LMO7: variants seen among roughly 807,000 people sequenced by gnomAD.
LMO7 encodes LIM domain only protein 7.
In LMO7, 120 loss-of-function variants were observed where a neutral mutation model predicts 206.5. The observed-to-expected ratio is 0.58, with a 90% CI of 0.50 to 0.68. LMO7 has a LOEUF of 0.68. Among genes scored for constraint, LMO7 ranks in the 30% least tolerant of loss-of-function variants. LMO7 has a pLI of 0.00. For missense variants in LMO7, 1,959 were observed against 1,957.9 expected (o/e 1.00, Z -0.01); for synonymous variants, 706 against 681.5 (o/e 1.04, Z -0.56).
At chr13:75,634,077 G>A (rs1245800846), upstream of LMO7, among the ~76,000 whole-genome samples, 1 of 149,938 alleles carries the variant, frequency 6.7e-6, no homozygotes, top group Non-Finnish European at 1.5e-5. Flanking sequence ...CTGACCTTGT[G>A]ATCCACCCGC....
chr13:75,840,431 G>T lies in LMO7; in HGVS notation c.3518G>T (p.Trp1173Leu). 6.2e-7 allele frequency: 1 copy of T among 1,614,072 alleles called. No individual in the cohort carries two copies. The highest frequency in any genetic ancestry group is 8.5e-7 in the Non-Finnish European group (1 of 1,179,980). The change falls in exon 22 of 31, where the codon TGG becomes TTG. Residue 1173 changes from tryptophan (W) to leucine (L), a missense_variant. Physicochemically the swap from Trp to Leu is moderately conservative, Grantham distance 61 (BLOSUM62 -2). Transcript: ENST00000377534. ...PTISAPSRWV[W>L]DQEEERKRQE... is the part of the protein sequence containing the mutation. ...ATCAGTGCCCCGAGTCGCTGGGTGT[G>T]GGATCAAGAGGAGGAGCGGAAGCGG...
At chr13:75,690,018 A>G (rs542166402) in intron 1 of LMO7, among the ~76,000 whole-genome samples, 1 of 151,810 alleles carries the variant, frequency 6.6e-6, no homozygotes, top group Non-Finnish European at 1.5e-5. Flanking sequence ...AGAGAACCGA[A>G]GAGAACCCTT....
At position 75,795,397 on chromosome 13, in the gene LMO7, A is replaced by G; in HGVS notation, c.318-4A>G. The G allele has an allele frequency of 6.4e-7, 1 of 1,573,282 alleles. No individual in the cohort carries two copies. The highest frequency in any genetic ancestry group is 2.3e-5 in the East Asian group (1 of 44,026). ...TACCTAATAGATATTTTCTTTCTTTACAGGCAAGAAGAGACTGACAGGAGA... is the reference window on the plus strand; with the variant it reads ...TACCTAATAGATATTTTCTTTCTTTGCAGGCAAGAAGAGACTGACAGGAGA... On this transcript the variant is annotated splice_region_variant and splice_polypyrimidine_tract_variant and intron_variant, in intron 4 of 30. Transcript: ENST00000377534.
chr13:75,655,863 T>C (rs746908928), intron 1 of LMO7, among the ~76,000 whole-genome samples: 10 of 152,192 alleles, frequency 6.6e-5, no homozygotes, highest in Admixed American at 2.0e-4. Context: ...GTGGTTAATC[T>C]ATCCCTGTGT....
intron 4 of LMO7, among the ~76,000 whole-genome samples, chr13:75,790,327 C>G (rs1408446873): frequency 6.6e-6 from 1 of 152,132 alleles, no homozygotes; most frequent in Non-Finnish European, 1.5e-5. Flanking sequence ...TTTTAAATCT[C>G]TCACTAAAGC....
At chr13:75,749,331 T>G (rs745759082) in intron 3 of LMO7, among the ~76,000 whole-genome samples, 6 of 152,226 alleles carry the variant, frequency 3.9e-5, no homozygotes, top group African/African-American at 7.2e-5. Context: ...TAATTATTTG[T>G]TTTGCTTTGG....
intron 16 of LMO7, 99 bp from the exon 17 acceptor site, chr13:75,834,127 A>T: frequency 3.7e-6 from 3 of 821,534 alleles, no homozygotes; most frequent in Non-Finnish European, 5.6e-6. Flanking sequence ...AGAAATGGTT[A>T]ATTGAAATTC....
intron 1 of LMO7, among the ~76,000 whole-genome samples, chr13:75,685,919 AG>A (rs2040940357): frequency 8.1e-6 from 1 of 123,336 alleles, no homozygotes; most frequent in African/African-American, 3.1e-5. Flanking sequence ...TTTTTGAGAC[AG>A]GGTCTCACTC....
intron 15 of LMO7, among the ~76,000 whole-genome samples, chr13:75,832,679 T>C (rs2058773322): frequency 6.6e-6 from 1 of 152,162 alleles, no homozygotes; most frequent in Non-Finnish European, 1.5e-5. Flanking sequence ...TGGTCCTTTT[T>C]AAATAAATGA....
At chr13:75,636,246 G>A (rs1264705889), upstream of LMO7, 21 of 1,003,170 alleles carry the variant, frequency 2.1e-5, no homozygotes, top group Admixed American at 7.3e-4. Flanking sequence ...GCGGCGACTC[G>A]GCGGGCCCCG....
rs373408522 is a variant in LMO7, at chr13:75,679,964, AGGTAAACGTGTGCCAT to A, written c.70-33213_70-33198del. Among the ~76,000 whole-genome samples the A allele has an allele frequency of 1.9e-4, 29 of 152,316 alleles. No homozygotes were observed. The East Asian group carries it at 2.7e-3, about 14-fold the overall frequency. On this transcript the variant is annotated intron_variant, in intron 1 of 30. Coordinates refer to ENST00000377534, the MANE Select transcript of LMO7 (RefSeq NM_001306080.2). ...TGCAGAATGTGCAGGTTTGTTACAT[AGGTAAACGTGTGCCAT>A]GGTAGTTTGCTGCACCTATCAACTT...
At chr13:75,738,883 G>T (rs999681723) in intron 3 of LMO7, among the ~76,000 whole-genome samples, 1 of 152,156 alleles carries the variant, frequency 6.6e-6, no homozygotes, top group African/African-American at 2.4e-5. Context: ...AGTCAGCCTG[G>T]ACCCCTCATG....
At chr13:75,759,592 G>A (rs1182296721) in intron 3 of LMO7, among the ~76,000 whole-genome samples, 2 of 152,042 alleles carry the variant, frequency 1.3e-5, no homozygotes, top group African/African-American at 4.8e-5. Flanking sequence ...AAAACGATTC[G>A]TGGATTTCAT....
chr13:75,752,402 G>C (rs575119042), intron 3 of LMO7, among the ~76,000 whole-genome samples: 8 of 152,102 alleles, frequency 5.3e-5, no homozygotes, highest in African/African-American at 1.9e-4. Flanking sequence ...CACAGTGCTG[G>C]GATTACAGGC....
In LMO7 at chr13:75,849,227, C is replaced by G; in HGVS notation, c.4299C>G (p.Ser1433Arg). ...RKRTPLHNDN[S>R]WIRQRSASVN... ...GAACACCCCTTCACAATGACAACAG[C>G]TGGATCCGACAGCGCAGTGCCAGTG... The change falls in exon 27 of 31, where the codon AGC becomes AGG. Residue 1433 changes from serine to arginine, a missense_variant. Transcript: ENST00000377534. 6.2e-7 allele frequency: 1 copy of G among 1,614,152 alleles called. No homozygotes were observed. Among genetic ancestry groups the G allele is most frequent in the Non-Finnish European group, 8.5e-7 (1 of 1,180,024 alleles).
At position 75,823,834 on chromosome 13, in the gene LMO7, A is replaced by G; in HGVS notation, c.2910A>G (p.Glu970=). Residue 970 remains glutamate, a synonymous_variant, in exon 15 of 31, where the codon GAA becomes GAG. Transcript: ENST00000377534. The part of the protein sequence containing the change: ...SGLDLMSESG[E]GEISPQREVS... Reference sequence around the variant, plus strand: ...TTGATTTAATGTCTGAATCTGGAGAAGGGGAAATCTCCCCACAAAGAGAAG... The same window carrying G: ...TTGATTTAATGTCTGAATCTGGAGAGGGGGAAATCTCCCCACAAAGAGAAG... 6.8e-6 allele frequency: 11 copies of G among 1,614,100 alleles called. No individual in the cohort carries two copies. Among genetic ancestry groups the G allele is most frequent in the Non-Finnish European group, 8.5e-6 (10 of 1,179,958 alleles).
intron 4 of LMO7, among the ~76,000 whole-genome samples, chr13:75,776,164 T>TGG (rs1269376019): frequency 7.9e-5 from 2 of 25,160 alleles, no homozygotes; most frequent in African/African-American, 3.5e-4. Context: ...ATATATCGGA[T>TGG]ATATATATAT....
At chr13:75,653,684 G>T (rs1191609323) in intron 1 of LMO7, among the ~76,000 whole-genome samples, 1 of 152,194 alleles carries the variant, frequency 6.6e-6, no homozygotes, top group Non-Finnish European at 1.5e-5. Context: ...AGTACAACTG[G>T]TAGCAGTCTG....
chr13:75,788,562 A>T (rs1006396326), intron 4 of LMO7, among the ~76,000 whole-genome samples: 1 of 151,880 alleles, frequency 6.6e-6, no homozygotes, highest in Non-Finnish European at 1.5e-5. Flanking sequence ...TGCCCCAGAC[A>T]TATCTTACAT....
Sources: allele counts gnomAD v4.1 joint callset (sites outside exome capture counted in the v4.1 genomes callset), GRCh38; gene constraint gnomAD v4.1.1; transcripts MANE v1.5; gene names NCBI Gene and HGNC (gene_info 2026-07-23, HGNC 2026-07-21).